BRIP1: variants seen among roughly 807,000 people sequenced by gnomAD.
BRIP1 encodes the protein Fanconi anemia group J protein.
In BRIP1, 88 loss-of-function variants were observed where a neutral mutation model predicts 119.7. That is an observed-to-expected ratio of 0.74 (90% CI 0.62 to 0.88). The LOEUF (loss-of-function observed/expected upper bound fraction) is 0.88, where lower values mean the gene tolerates loss of function less well. Among genes scored for constraint, BRIP1 ranks in the 40% least tolerant of loss-of-function variants. The pLI is 0.00. For synonymous variants in BRIP1, 443 were observed against 496.5 expected, an observed-to-expected ratio of 0.89 and a Z score of 1.43; for missense variants, 1,259 against 1,455.4, an observed-to-expected ratio of 0.87 and a Z score of 2.20.
At chr17:61,835,088 T>C (rs753728904) in intron 6 of BRIP1, among the ~76,000 whole-genome samples, 30 of 152,258 alleles carry the variant, frequency 2.0e-4, no homozygotes, top group Non-Finnish European at 2.2e-4. Flanking sequence ...ATAATTTAAG[T>C]ACACATTTTG....
rs1555602154 is a variant in BRIP1, at chr17:61,780,305, AT to A, written c.1890del (p.Phe631LeufsTer57). ...MKSFSSELGVTFTIQLEANHI... is the reference protein window; with the variant it reads ...MKSFSSELGVXFTIQLEANHI... ...TGATTAGCCTCCAGCTGGATAGTAA[AT>A]GTAACACCAAGTTCTGACGAAAAGG... is the stretch of plus-strand genomic sequence containing the variant. On this transcript the variant is annotated frameshift_variant, in exon 13 of 20. Coordinates refer to ENST00000259008, the MANE Select transcript of BRIP1 (RefSeq NM_032043.3). LOFTEE classifies it high-confidence loss of function. This position sits in a 1 kb window ranked among gnomAD's most constrained non-coding sequence, Gnocchi z 5.4. The A allele has an allele frequency of 6.2e-7, 1 of 1,613,246 alleles. No homozygotes were observed. Among genetic ancestry groups the A allele is most frequent in the Non-Finnish European group, 8.5e-7 (1 of 1,179,228 alleles).
Position 61,717,024 on chromosome 17 carries a change from C to A in BRIP1, c.2380-961G>T, listed in dbSNP as rs1471897910. Among the ~76,000 whole-genome samples the A allele has an allele frequency of 1.3e-5, 2 of 151,974 alleles. No homozygotes were observed. The highest frequency in any genetic ancestry group is 4.8e-5 in the African/African-American group (2 of 41,424). On this transcript the variant is annotated intron_variant, in intron 16 of 19. Transcript: ENST00000259008. The surrounding 1 kb of genome is among the most constrained non-coding windows in gnomAD (Gnocchi z 4.1). Reference sequence around the variant, plus strand: ...ATTTTAGTTTTATACATGCTATAAACCCATAAAACATTTTGATTATGCTTT... The same window carrying A: ...ATTTTAGTTTTATACATGCTATAAAACCATAAAACATTTTGATTATGCTTT...
At chr17:61,840,141 C>T (rs1262534780) in intron 6 of BRIP1, among the ~76,000 whole-genome samples, 1 of 151,764 alleles carries the variant, frequency 6.6e-6, no homozygotes, top group Non-Finnish European at 1.5e-5. Context: ...AACAGATCAC[C>T]CGAGGTCAGG....
intron 10 of BRIP1, among the ~76,000 whole-genome samples, chr17:61,787,790 G>A (rs943567845): frequency 4.6e-5 from 7 of 151,994 alleles, no homozygotes; most frequent in Non-Finnish European, 7.4e-5. Flanking sequence ...GACTACAGGC[G>A]CCCGCCACCA....
At position 61,690,662 on chromosome 17, in the gene BRIP1, A is replaced by G. The variant is rs547160699; in HGVS notation, c.2575+2768T>C. On this transcript the variant is annotated intron_variant, in intron 18 of 19. Coordinates refer to ENST00000259008, the MANE Select transcript of BRIP1 (RefSeq NM_032043.3). This position sits in a 1 kb window ranked among gnomAD's most constrained non-coding sequence, Gnocchi z 5.6. ...AAGGATGTTCATTCTCACTACTTCT[A>G]TTTAGCTTAGTACTAAGAATCCTAG... Among the ~76,000 whole-genome samples, 1 of 152,334 alleles carries G rather than the reference A, an allele frequency of 6.6e-6. No individual in the cohort carries two copies. Among genetic ancestry groups the G allele is most frequent in the Admixed American group, 6.5e-5 (1 of 15,304 alleles).
rs1395553318 is a variant in BRIP1, at chr17:61,810,719, C to A, written c.628-1962G>T. Among the ~76,000 whole-genome samples, 1 of 152,104 alleles carries A rather than the reference C, an allele frequency of 6.6e-6. No individual in the cohort carries two copies. The highest frequency in any genetic ancestry group is 1.5e-5 in the Non-Finnish European group (1 of 67,986). On this transcript the variant is annotated intron_variant, in intron 6 of 19. Transcript: ENST00000259008. The surrounding 1 kb of genome is among the most constrained non-coding windows in gnomAD (Gnocchi z 4.7). ...TACCATCTACTCCCTTTAATTTCAC[C>A]TTTTCTCTTGGTCAAAAAAATTCAA...
rs1052460168 is a variant in BRIP1 at position 61,802,329 on chromosome 17, G to A, written c.919-855C>T. Among the ~76,000 whole-genome samples, 5 of 152,012 alleles carry A rather than the reference G, an allele frequency of 3.3e-5. No individual in the cohort carries two copies. Among genetic ancestry groups the A allele is most frequent in the South Asian group, 2.1e-4 (1 of 4,828 alleles). On this transcript the variant is annotated intron_variant, in intron 7 of 19. Coordinates refer to ENST00000259008, the MANE Select transcript of BRIP1 (RefSeq NM_032043.3). This position sits in a 1 kb window ranked among gnomAD's most constrained non-coding sequence, Gnocchi z 6.0. ...TAAAAAATTTTCTAGGATTGGTGGC[G>A]TACATCAATGGTCCTAGCTACTCAG...
rs2145851661 is a variant in BRIP1 at position 61,859,861 on chromosome 17, G to C, written c.140C>G (p.Pro47Arg). Residue 47 changes from proline (P) to arginine (R), a missense_variant, in exon 3 of 20, where the codon CCC becomes CGC. Physicochemically the swap from Pro to Arg is moderately radical, Grantham distance 103. This residue lies in a region of BRIP1 where 501 missense variants were observed against 544.0 expected (regional missense o/e 0.92). Transcript: ENST00000259008. ...GGCTAAGCTTTTTCCACTTCCTGTG[G>C]GACTCTCCAACAAACAATGTTGCTT... ...NSKQHCLLES[P>R]TGSGKSLALL... The C allele has an allele frequency of 6.2e-7, 1 of 1,613,784 alleles. No individual in the cohort carries two copies. The highest frequency in any genetic ancestry group is 8.5e-7 in the Non-Finnish European group (1 of 1,179,844).
Position 61,693,093 on chromosome 17 carries a change from A to T in BRIP1, c.2575+337T>A, listed in dbSNP as rs1016813846. ...AGATGAACCTTGAGGACATTATGCT[A>T]ACTGAAATAAGCCAGTTACAGAAGG... On this transcript the variant is annotated intron_variant, in intron 18 of 19. Transcript: ENST00000259008. The surrounding 1 kb of genome is among the most constrained non-coding windows in gnomAD (Gnocchi z 4.2). 5.9e-5 allele frequency among the ~76,000 whole-genome samples: 9 copies of T among 152,240 alleles called. No homozygotes were observed. Among genetic ancestry groups the T allele is most frequent in the Non-Finnish European group, 1.3e-4 (9 of 68,042 alleles).
chr17:61,693,800 A>T lies in BRIP1; in HGVS notation c.2493-288T>A, dbSNP rs2061485090. ...ATTCTAAGATCTTTCTTAGCCACAT[A>T]GACTGTTTTCTTTTTTTTACCTTAA... On this transcript the variant is annotated intron_variant, in intron 17 of 19. Transcript: ENST00000259008. This position sits in a 1 kb window ranked among gnomAD's most constrained non-coding sequence, Gnocchi z 4.2. Among the ~76,000 whole-genome samples, 1 of 152,124 alleles carries T rather than the reference A, an allele frequency of 6.6e-6. No individual in the cohort carries two copies. The highest frequency in any genetic ancestry group is 1.5e-5 in the Non-Finnish European group (1 of 68,000).
intron 6 of BRIP1, among the ~76,000 whole-genome samples, chr17:61,835,629 AG>A (rs1158108965): frequency 1.3e-5 from 2 of 152,170 alleles, no homozygotes; most frequent in East Asian, 3.9e-4. Context: ...GAATTAGGGC[AG>A]GGGTCTACTG....
intron 10 of BRIP1, among the ~76,000 whole-genome samples, chr17:61,792,374 G>A (rs1451323911): frequency 6.6e-6 from 1 of 152,108 alleles, no homozygotes; most frequent in African/African-American, 2.4e-5. Context: ...TAATAGAAAT[G>A]TTTATAATAG....
Position 61,683,847 on chromosome 17 carries a change from A to G in BRIP1, c.3199T>C (p.Cys1067Arg), listed in dbSNP as rs878855153. 1.2e-6 allele frequency: 2 copies of G among 1,614,190 alleles called. No individual in the cohort carries two copies. Among genetic ancestry groups the G allele is most frequent in the East Asian group, 2.2e-5 (1 of 44,878 alleles). Residue 1067 changes from cysteine (C) to arginine (R), a missense_variant, in exon 20 of 20, where the codon TGC becomes CGC. Coordinates refer to ENST00000259008, the MANE Select transcript of BRIP1 (RefSeq NM_032043.3). This position sits in a 1 kb window ranked among gnomAD's most constrained non-coding sequence, Gnocchi z 4.7. The stretch of plus-strand genomic sequence containing the variant: ...GAAATAATGGTTTCTGATTGAGGGC[A>G]TGATCCAAACGATGTGTTTACTGTC... ...NLTVNTSFGSCPQSETIISSL... is the reference protein window; with the variant it reads ...NLTVNTSFGSRPQSETIISSL...
Position 61,752,291 on chromosome 17 carries a change from T to G in BRIP1, c.2098-7700A>C, listed in dbSNP as rs374438067. Among the ~76,000 whole-genome samples, 2 of 152,128 alleles carry G rather than the reference T, an allele frequency of 1.3e-5. No homozygotes were observed. The highest frequency in any genetic ancestry group is 4.1e-4 in the South Asian group (2 of 4,832). On this transcript the variant is annotated intron_variant, in intron 14 of 19. Transcript: ENST00000259008. The surrounding 1 kb of genome is among the most constrained non-coding windows in gnomAD (Gnocchi z 6.2). ...AACAGGTACATTTAGGCTACTAATA[T>G]AGTAATCCAGAGATGGTGGTAGCTT... is the stretch of plus-strand genomic sequence containing the variant.
chr17:61,793,537 T>C lies in BRIP1; in HGVS notation c.1473+60A>G. ...CTCACTAGATTTAATCTGGATTTAGTCACGACTAAATCACTTCTAATTCAC... is the reference window on the plus strand; with the variant it reads ...CTCACTAGATTTAATCTGGATTTAGCCACGACTAAATCACTTCTAATTCAC... On this transcript the variant is annotated intron_variant, in intron 10 of 19. Coordinates refer to ENST00000259008, the MANE Select transcript of BRIP1 (RefSeq NM_032043.3). This position sits in a 1 kb window ranked among gnomAD's most constrained non-coding sequence, Gnocchi z 5.2. 6.6e-7 allele frequency: 1 copy of C among 1,508,028 alleles called. No homozygotes were observed. 93.4% of individuals were successfully genotyped at this position (1,508,028 alleles called of 1,614,324 possible). A position where few individuals can be genotyped will look rare whatever the true frequency, so the allele number is the denominator to read the frequency against.
Position 61,844,872 on chromosome 17 carries a change from C to T in BRIP1, c.627+2229G>A, listed in dbSNP as rs547067571. Among the ~76,000 whole-genome samples, 3 of 152,310 alleles carry T rather than the reference C, an allele frequency of 2.0e-5. No homozygotes were observed. The highest frequency in any genetic ancestry group is 3.9e-4 in the East Asian group (2 of 5,184). On this transcript the variant is annotated intron_variant, in intron 6 of 19. Transcript: ENST00000259008. This position sits in a 1 kb window ranked among gnomAD's most constrained non-coding sequence, Gnocchi z 4.7. ...GCCAGTTTCTTCCTTCTCAGAGTTT[C>T]CTCATCTGTACGATGGGAATACCAA...
Position 61,799,087 on chromosome 17 carries a change from C to A in BRIP1, c.1340+13G>T. On this transcript the variant is annotated intron_variant, in intron 9 of 19. Transcript: ENST00000259008. This position sits in a 1 kb window ranked among gnomAD's most constrained non-coding sequence, Gnocchi z 5.1. ...AAGGCAGCACAAATACACTAATAGA[C>A]AAATCTTCTTACTTAATGAGGCTAC... 1 of 1,605,300 alleles carries A rather than the reference C, an allele frequency of 6.2e-7. No individual in the cohort carries two copies. Among genetic ancestry groups the A allele is most frequent in the Non-Finnish European group, 8.5e-7 (1 of 1,172,230 alleles).
chr17:61,703,062 TTTTG>T lies in BRIP1; in HGVS notation c.2493-9554_2493-9551del, dbSNP rs915280987. 1.1e-4 allele frequency among the ~76,000 whole-genome samples: 16 copies of T among 152,066 alleles called. No homozygotes were observed. The highest frequency in any genetic ancestry group is 1.8e-4 in the Non-Finnish European group (12 of 67,972). ...ATTGTGTATGTATGTGTTTTTTTGT[TTTTG>T]TTTGTTTGTTTGTTTTGAGACAGAG... On this transcript the variant is annotated intron_variant, in intron 17 of 19. Transcript: ENST00000259008. The surrounding 1 kb of genome is among the most constrained non-coding windows in gnomAD (Gnocchi z 5.0).
chr17:61,683,965 C>G lies in BRIP1; in HGVS notation c.3081G>C (p.Glu1027Asp), dbSNP rs777660106. The stretch of plus-strand genomic sequence containing the variant: ...AACGGGGAGGACTAGAGGCACTATT[C>G]TCTGATGACCCGAGCTCAGGTGTTG... ...PKATPELGSS[E>D]NSASSPPRFK... The change falls in exon 20 of 20, where the codon GAG becomes GAC. Residue 1027 changes from glutamate to aspartate, a missense_variant. By Grantham distance (45) the Glu-to-Asp change is conservative (BLOSUM62 2). Coordinates refer to ENST00000259008, the MANE Select transcript of BRIP1 (RefSeq NM_032043.3). The surrounding 1 kb of genome is among the most constrained non-coding windows in gnomAD (Gnocchi z 4.7). The G allele has an allele frequency of 6.2e-7, 1 of 1,614,140 alleles. No individual in the cohort carries two copies. Among genetic ancestry groups the G allele is most frequent in the Non-Finnish European group, 8.5e-7 (1 of 1,180,020 alleles).
Sources: gnomAD v4.1 joint callset for allele counts (sites outside exome capture counted in the v4.1 genomes callset) on GRCh38, gnomAD v4.1.1 for gene constraint, gnomAD v4.1.1 regional missense constraint, Gnocchi (gnomAD v3.1) non-coding constraint, MANE v1.5 for transcripts, NCBI Gene and HGNC (gene_info 2026-07-23, HGNC 2026-07-21) for gene names.